Variants in FAM200A observed in about 807,000 individuals in gnomAD.
The protein encoded by FAM200A is protein FAM200A.
In FAM200A, 26 loss-of-function variants were observed where a neutral mutation model predicts 44.2. The ratio of observed to expected loss-of-function variants is 0.59; its 90% CI spans 0.43 to 0.82. The LOEUF is 0.82. FAM200A is among the 40% of genes least tolerant of loss of function. FAM200A has a pLI of 0.00. For missense variants in FAM200A, 606 were observed against 669.5 expected, an observed-to-expected ratio of 0.91 and a Z score of 1.05; for synonymous variants, 206 against 244.4, an observed-to-expected ratio of 0.84 and a Z score of 1.47.
At chr7:99,550,653 C>T (rs1802506900) in intron 1 of FAM200A, among the ~76,000 whole-genome samples, 1 of 152,108 alleles carries the variant, frequency 6.6e-6, no homozygotes, top group Non-Finnish European at 1.5e-5. Flanking sequence ...ACATCAATGG[C>T]AGAACTGGTA....
Position 99,547,118 on chromosome 7 carries a change from C to G in FAM200A, c.1290G>C (p.Leu430Phe). 1 of 1,547,194 alleles carries G rather than the reference C, an allele frequency of 6.5e-7. No homozygotes were observed. Among genetic ancestry groups the G allele is most frequent in the South Asian group, 1.2e-5 (1 of 82,574 alleles). The change falls in exon 2 of 2, where the codon TTG becomes TTC. Residue 430 changes from leucine (L) to phenylalanine (F), a missense_variant. By Grantham distance (22) the Leu-to-Phe change is conservative. Transcript: ENST00000449309. ...KLEILLHLTS[L>F]SQTFNYYFPE... ...GAAAGTAATAATTAAAAGTTTGAGA[C>G]AAAGAAGTGAGATGCAACAATATCT...
chr7:99,553,950 G>T (rs1802625379), upstream of FAM200A, among the ~76,000 whole-genome samples: 1 of 152,174 alleles, frequency 6.6e-6, no homozygotes, highest in Non-Finnish European at 1.5e-5. Flanking sequence ...AATGGATAAG[G>T]CACCCTGTAA....
rs932228583 is a variant in FAM200A, at chr7:99,546,613, G to C, written c.*73C>G. 7.1e-7 allele frequency: 1 copy of C among 1,412,982 alleles called. No individual in the cohort carries two copies. Among genetic ancestry groups the C allele is most frequent in the Non-Finnish European group, 9.2e-7 (1 of 1,083,836 alleles). 87.5% of individuals were successfully genotyped at this position (1,412,982 alleles called of 1,614,324 possible). The stretch of plus-strand genomic sequence containing the variant: ...TGAACTCAAGTGATCTGCCCACCTC[G>C]GTCTCCCACTGCTGGGATTACAGGC... On this transcript the variant is annotated 3_prime_UTR_variant, in exon 2 of 2. Coordinates refer to ENST00000449309, the MANE Select transcript of FAM200A (RefSeq NM_145111.4).
chr7:99,546,672 T>G lies in FAM200A; in HGVS notation c.*14A>C, dbSNP rs896603622. The G allele has an allele frequency of 1.3e-6, 2 of 1,490,182 alleles. No individual in the cohort carries two copies. The highest frequency in any genetic ancestry group is 5.0e-5 in the Admixed American group (2 of 39,878). The allele number at this position is 1,490,182 out of a possible 1,614,324, so 92.3% of individuals were successfully genotyped here. A position where few individuals can be genotyped will look rare whatever the true frequency, so the allele number is the denominator to read the frequency against. On this transcript the variant is annotated 3_prime_UTR_variant, in exon 2 of 2. Transcript: ENST00000449309. ...CCACACCTGGCTATACACAGAATTT[T>G]GTAAAGTTTGTATTTAATGTGATGG...
rs1289124938 is a variant in FAM200A, at chr7:99,547,975, C to T, written c.433G>A (p.Asp145Asn). The change falls in exon 2 of 2, where the codon GAT becomes AAT. Residue 145 changes from aspartate (D) to asparagine (N), a missense_variant. Physicochemically the swap from Asp to Asn is conservative, Grantham distance 23 (BLOSUM62 1). Coordinates refer to ENST00000449309, the MANE Select transcript of FAM200A (RefSeq NM_145111.4). ...CAACTTGCAATATCAGTGCTCTCAT[C>T]GAGTTGGATTGCAAAGTCTATACCG... The part of the protein sequence containing the change: ...QSGIDFAIQL[D>N]ESTDIASCPT... 6 of 1,551,268 alleles carry T rather than the reference C, an allele frequency of 3.9e-6. No individual in the cohort carries two copies. Among genetic ancestry groups the T allele is most frequent in the South Asian group, 1.2e-5 (1 of 84,062 alleles).
rs999666349 is a variant in FAM200A at position 99,547,479 on chromosome 7, A to C, written c.929T>G (p.Leu310Trp). 4 of 1,549,952 alleles carry C rather than the reference A, an allele frequency of 2.6e-6. No homozygotes were observed. In the African/African-American group the frequency reaches 5.5e-5, roughly 21 times the overall value. ...GTTCCTGAGTTCATATACTCTGCTC[A>C]ATACTTTTCCTTGAGAAAGCCAACG... ...EVRWLSQGKVLSRVYELRNEI... is the reference protein window; with the variant it reads ...EVRWLSQGKVWSRVYELRNEI... The change falls in exon 2 of 2, where the codon TTG (leucine) becomes TGG (tryptophan). Residue 310 changes from leucine to tryptophan, a missense_variant. Physicochemically the swap from Leu to Trp is moderately conservative, Grantham distance 61. Coordinates refer to ENST00000449309, the MANE Select transcript of FAM200A (RefSeq NM_145111.4).
At chr7:99,548,603 G>A (rs1323371215) in intron 1 of FAM200A, 97 bp from the exon 2 acceptor site, 1 of 1,063,720 alleles carries the variant, frequency 9.4e-7, no homozygotes, top group East Asian at 2.7e-5. Context: ...CTAGTGGTGT[G>A]ACATGGTAAA....
chr7:99,549,408 G>A (rs180991130), intron 1 of FAM200A, among the ~76,000 whole-genome samples: 29 of 152,220 alleles, frequency 1.9e-4, no homozygotes, highest in South Asian at 1.0e-3. Flanking sequence ...AACAGGTGCC[G>A]GAGAGGATGT....
upstream of FAM200A, among the ~76,000 whole-genome samples, chr7:99,553,473 G>C (rs1802614122): frequency 6.6e-6 from 1 of 152,020 alleles, no homozygotes; most frequent in South Asian, 2.1e-4. Flanking sequence ...CTTTGCCTAC[G>C]GACCTACTGG....
chr7:99,552,202 T>G, upstream of FAM200A: 3 of 981,206 alleles, frequency 3.1e-6, no homozygotes, highest in Non-Finnish European at 2.4e-6. Context: ...TTTGCATCCC[T>G]GTGTAGGGCT....
chr7:99,549,838 G>A lies in FAM200A; in HGVS notation c.-99-1332C>T, dbSNP rs1279873971. Among the ~76,000 whole-genome samples the A allele has an allele frequency of 3.3e-5, 5 of 151,928 alleles. No individual in the cohort carries two copies. In the East Asian group the frequency reaches 9.7e-4, roughly 29 times the overall value. ...ACTGCATGTTCTCATTCACAGGTGG[G>A]AACTGAACAATGAGAACACTTGGAC... is the stretch of plus-strand genomic sequence containing the variant. On this transcript the variant is annotated intron_variant, in intron 1 of 1. Coordinates refer to ENST00000449309, the MANE Select transcript of FAM200A (RefSeq NM_145111.4).
chr7:99,547,515 T>A lies in FAM200A; in HGVS notation c.893A>T (p.His298Leu). The A allele has an allele frequency of 6.5e-7, 1 of 1,550,330 alleles. No homozygotes were observed. Among genetic ancestry groups the A allele is most frequent in the Non-Finnish European group, 8.7e-7 (1 of 1,146,290 alleles). ...IGVNHTHLLF[H>L]TEVRWLSQGK... Reference sequence around the variant, plus strand: ...TTGAGAAAGCCAACGAACTTCTGTATGAAACAATAAGTGGGTGTGGTTCAC... The same window carrying A: ...TTGAGAAAGCCAACGAACTTCTGTAAGAAACAATAAGTGGGTGTGGTTCAC... Residue 298 changes from histidine (H) to leucine (L), a missense_variant, in exon 2 of 2, where the codon CAT (histidine) becomes CTT (leucine). Physicochemically the swap from His to Leu is moderately conservative, Grantham distance 99. Coordinates refer to ENST00000449309, the MANE Select transcript of FAM200A (RefSeq NM_145111.4).
intron 1 of FAM200A, among the ~76,000 whole-genome samples, chr7:99,549,280 C>T (rs1168931686): frequency 2.0e-5 from 3 of 151,330 alleles, no homozygotes; most frequent in African/African-American, 4.9e-5. Context: ...AATGAGATTT[C>T]CACAACACAT....
At chr7:99,557,254 C>A (rs1163985656) in intron 1 of FAM200A, among the ~76,000 whole-genome samples, 1 of 152,148 alleles carries the variant, frequency 6.6e-6, no homozygotes, top group Non-Finnish European at 1.5e-5. Flanking sequence ...TTGCCTGAGT[C>A]AGCTAAAACT....
Position 99,551,930 on chromosome 7 carries a change from C to T in FAM200A, c.-176G>A. 1 of 985,576 alleles carries T rather than the reference C, an allele frequency of 1.0e-6. No individual in the cohort carries two copies. The highest frequency in any genetic ancestry group is 4.7e-5 in the South Asian group (1 of 21,288). 61.1% of individuals were successfully genotyped at this position (985,576 alleles called of 1,614,324 possible). A position where few individuals can be genotyped will look rare whatever the true frequency, so the allele number is the denominator to read the frequency against. On this transcript the variant is annotated 5_prime_UTR_variant, in exon 1 of 2. Coordinates refer to ENST00000449309, the MANE Select transcript of FAM200A (RefSeq NM_145111.4). ...TGGCGCGAGGAACGGGGGCACGGAC[C>T]CGCTTCCACTCCGTCCCGGGCGGTC... is the stretch of plus-strand genomic sequence containing the variant.
At chr7:99,551,151 A>G (rs1419527136) in intron 1 of FAM200A, among the ~76,000 whole-genome samples, 8 of 152,104 alleles carry the variant, frequency 5.3e-5, no homozygotes, top group Admixed American at 4.6e-4. Flanking sequence ...AGCTTTTCCT[A>G]TTATATCCAA....
At position 99,546,476 on chromosome 7, in the gene FAM200A, C is replaced by A; in HGVS notation, c.*210G>T. 1 of 420,908 alleles carries A rather than the reference C, an allele frequency of 2.4e-6. No homozygotes were observed. Among genetic ancestry groups the A allele is most frequent in the Non-Finnish European group, 4.1e-6 (1 of 245,396 alleles). 26.1% of individuals were successfully genotyped at this position (420,908 alleles called of 1,614,324 possible). ...CTCTGCCTTCCTGGTTTAAGAGATTCTCCTGCCTCAGGCACCCAAGTAACT... is the reference window on the plus strand; with the variant it reads ...CTCTGCCTTCCTGGTTTAAGAGATTATCCTGCCTCAGGCACCCAAGTAACT... On this transcript the variant is annotated 3_prime_UTR_variant, in exon 2 of 2. Transcript: ENST00000449309.
At chr7:99,556,412 C>A (rs1227491707), upstream of FAM200A, among the ~76,000 whole-genome samples, 1 of 152,162 alleles carries the variant, frequency 6.6e-6, no homozygotes, top group African/African-American at 2.4e-5. Context: ...CTGTTACAAA[C>A]AGATCCTCGG....
chr7:99,547,912 C>G lies in FAM200A; in HGVS notation c.496G>C (p.Asp166His). ...LLVYVRYVWQ[D>H]DFVEDLLCCL... ...CATAAGAGATCCTCTACAAAATCATCTTGCCACACATATCTGACATAAACC... is the reference window on the plus strand; with the variant it reads ...CATAAGAGATCCTCTACAAAATCATGTTGCCACACATATCTGACATAAACC... Residue 166 changes from aspartate to histidine, a missense_variant, in exon 2 of 2, where the codon GAT (aspartate) becomes CAT (histidine). Asp to His is a moderately conservative substitution (Grantham distance 81, BLOSUM62 -1). Transcript: ENST00000449309. 1 of 1,551,198 alleles carries G rather than the reference C, an allele frequency of 6.4e-7. No homozygotes were observed. The highest frequency in any genetic ancestry group is 8.7e-7 in the Non-Finnish European group (1 of 1,146,986).
Sources: gnomAD v4.1 joint callset for allele counts (sites outside exome capture counted in the v4.1 genomes callset) on GRCh38, gnomAD v4.1.1 for gene constraint, MANE v1.5 for transcripts, NCBI Gene and HGNC (gene_info 2026-07-23, HGNC 2026-07-21) for gene names.